The following LAS1L variants were observed in gnomAD, a reference collection of about 807,000 sequenced individuals.
LAS1L encodes LAS1 like ribosome biogenesis factor, also known as ribosomal biogenesis protein LAS1L.
A neutral mutation model predicts 57.3 loss-of-function variants in LAS1L; 5 were observed. The observed-to-expected ratio is 0.09, with a 90% CI of 0.05 to 0.18. LAS1L has a LOEUF of 0.18. LAS1L is among the 10% of genes least tolerant of loss of function. The pLI is 1.00. For synonymous variants in LAS1L, 245 were observed against 231.7 expected, an observed-to-expected ratio of 1.06 and a Z score of -0.52; for missense variants, 360 against 568.3, an observed-to-expected ratio of 0.63 and a Z score of 3.73.
At chrX:65,533,329 A>G (rs898774294) in intron 2 of LAS1L, among the ~76,000 whole-genome samples, 2 of 110,432 alleles carry the variant, frequency 1.8e-5, no homozygotes, top group African/African-American at 6.6e-5. Flanking sequence ...GACCACCAAG[A>G]GACCCACAGA....
chrX:65,515,950 CG>C, intron 12 of LAS1L, among the ~76,000 whole-genome samples: 1 of 111,980 alleles, frequency 8.9e-6, no homozygotes, highest in Non-Finnish European at 1.9e-5. Context: ...CCCTCTCTGT[CG>C]TATCACTGAG....
intron 12 of LAS1L, among the ~76,000 whole-genome samples, chrX:65,517,094 T>C (rs1016743518): frequency 2.1e-4 from 23 of 111,044 alleles, no homozygotes; most frequent in Non-Finnish European, 3.8e-4. Context: ...GAAGAGCAGA[T>C]CCCTATCACT....
chrX:65,519,975 A>G (rs1437933769), intron 11 of LAS1L, among the ~76,000 whole-genome samples: 1 of 112,148 alleles, frequency 8.9e-6, no homozygotes, highest in Non-Finnish European at 1.9e-5. Flanking sequence ...GAAAAGCCAG[A>G]GAGAAACTTT....
chrX:65,524,362 G>C, intron 9 of LAS1L, 100 bp from the exon 10 acceptor site: 1 of 683,893 alleles, frequency 1.5e-6, no homozygotes, highest in Non-Finnish European at 2.3e-6. Flanking sequence ...GGAAGTGAGA[G>C]TGAGAGCAAG....
At chrX:65,513,275 G>T (rs1436089503) in intron 13 of LAS1L, among the ~76,000 whole-genome samples, 1 of 112,180 alleles carries the variant, frequency 8.9e-6, no homozygotes, top group Non-Finnish European at 1.9e-5. Context: ...TAGAGCTTGG[G>T]GGCCTGGATC....
chrX:65,525,068 T>A lies in LAS1L; in HGVS notation c.957-18A>T, dbSNP rs770158138. On this transcript the variant is annotated intron_variant, in intron 7 of 13. Coordinates refer to ENST00000374811, the MANE Select transcript of LAS1L (RefSeq NM_031206.7). ...CAGCCTCCCTGGAACAAGAGGACAC[T>A]AGTTTAGCAAAGTGATGCTGGCAGA... 1.7e-6 allele frequency: 2 copies of A among 1,171,046 alleles called. No homozygotes were observed. The highest frequency in any genetic ancestry group is 2.3e-6 in the Non-Finnish European group (2 of 861,396).
rs762955738 is a variant in LAS1L, at chrX:65,523,547, T to C, written c.1448+13A>G. The C allele has an allele frequency of 1.9e-5, 22 of 1,164,513 alleles. No individual in the cohort carries two copies. Among genetic ancestry groups the C allele is most frequent in the Non-Finnish European group, 2.5e-5 (22 of 871,726 alleles). The stretch of plus-strand genomic sequence containing the variant: ...GCCTCACCCTCTTACCGGATGGAAT[T>C]CAAGAGACTTACATCCGAAGGAGTT... On this transcript the variant is annotated intron_variant, in intron 11 of 13. Coordinates refer to ENST00000374811, the MANE Select transcript of LAS1L (RefSeq NM_031206.7).
chrX:65,525,839 C>T (rs1385246297), intron 7 of LAS1L, among the ~76,000 whole-genome samples: 1 of 109,479 alleles, frequency 9.1e-6, no homozygotes, highest in African/African-American at 3.4e-5. Flanking sequence ...CAAGCTGATT[C>T]CTCCAGAGTT....
chrX:65,525,595 A>G (rs746947819), intron 7 of LAS1L, among the ~76,000 whole-genome samples: 8 of 109,473 alleles, frequency 7.3e-5, no homozygotes, highest in Non-Finnish European at 1.5e-4. Flanking sequence ...AACCCAGAAC[A>G]AAGTTAGAGG....
chrX:65,528,499 G>T (rs772535821), intron 6 of LAS1L, 130 bp from the exon 7 acceptor site: 11 of 433,624 alleles, frequency 2.5e-5, no homozygotes, highest in East Asian at 3.9e-5. Context: ...TGCAGGGGGG[G>T]GCCCACAACT....
At chrX:65,523,799 C>T in intron 10 of LAS1L, 92 bp from the exon 11 acceptor site, 2 of 967,533 alleles carry the variant, frequency 2.1e-6, no homozygotes, top group Non-Finnish European at 2.8e-6. Context: ...CCCTCCCCAT[C>T]CCCCCAGACT....
At chrX:65,521,381 G>A in intron 11 of LAS1L, 3 of 508,488 alleles carry the variant, frequency 5.9e-6, no homozygotes, top group Non-Finnish European at 7.2e-6. Context: ...CTAGGGCACG[G>A]ACAGCTGATG....
chrX:65,518,300 G>A lies in LAS1L; in HGVS notation c.1614C>T (p.Ser538=), dbSNP rs746677674. ...SPYTLDSLYW[S]VKPASSSFGS... ...CGAAGCTGGAGCTGGCTGGCTTGAC[G>A]CTCCAATACAGGCTGTCTAGTGTAT... The change falls in exon 12 of 14, where the codon AGC becomes AGT. Residue 538 remains serine, a synonymous_variant. Coordinates refer to ENST00000374811, the MANE Select transcript of LAS1L (RefSeq NM_031206.7). 5.8e-6 allele frequency: 7 copies of A among 1,211,978 alleles called. No homozygotes were observed. The highest frequency in any genetic ancestry group is 3.5e-5 in the South Asian group (2 of 57,018).
In LAS1L at chrX:65,533,603, G is replaced by T; in HGVS notation, c.362+7C>A. On this transcript the variant is annotated splice_region_variant and intron_variant, in intron 2 of 13. Coordinates refer to ENST00000374811, the MANE Select transcript of LAS1L (RefSeq NM_031206.7). ...CAACCTCCACCCCTACCCCATGCAGGTCTTACCTGACCAATGCCATGCCAT... is the reference window on the plus strand; with the variant it reads ...CAACCTCCACCCCTACCCCATGCAGTTCTTACCTGACCAATGCCATGCCAT... 3.3e-6 allele frequency: 4 copies of T among 1,210,041 alleles called. No individual in the cohort carries two copies. The highest frequency in any genetic ancestry group is 4.5e-6 in the Non-Finnish European group (4 of 894,647).
intron 11 of LAS1L, chrX:65,520,543 G>C (rs1425350209): frequency 1.3e-6 from 1 of 751,675 alleles, no homozygotes; most frequent in African/African-American, 2.3e-5. Context: ...AGAAGAGCAT[G>C]GGACTAAGGA....
At chrX:65,517,226 G>T in intron 12 of LAS1L, among the ~76,000 whole-genome samples, 1 of 107,030 alleles carries the variant, frequency 9.3e-6, no homozygotes, top group Middle Eastern at 4.7e-3. Flanking sequence ...TAATGCCCTA[G>T]GTTCCTTCTT....
chrX:65,521,292 T>A, intron 11 of LAS1L: 3 of 753,813 alleles, frequency 4.0e-6, no homozygotes, highest in Non-Finnish European at 4.7e-6. Context: ...ACAGCACTGC[T>A]GGGAATGAGA....
chrX:65,516,379 C>A (rs752260467), intron 12 of LAS1L, among the ~76,000 whole-genome samples: 32 of 111,020 alleles, frequency 2.9e-4, no homozygotes, highest in Non-Finnish European at 5.9e-4. Context: ...ACATCACTAC[C>A]CCTGCCTCTT....
In LAS1L at chrX:65,534,662, G is replaced by A. The variant is rs760067312; in HGVS notation, c.54C>T (p.Leu18=). The change falls in exon 1 of 14, where the codon CTC becomes CTT. Residue 18 remains leucine (L), a synonymous_variant. Transcript: ENST00000374811. ...ACTTTCCGTACCACGCACTCCACAC[G>A]AGATCCATCCCCTGGGAACCTAGAC... The part of the protein sequence containing the change: ...GPGLGSQGMD[L]VWSAWYGKCV... 3 of 1,186,436 alleles carry A rather than the reference G, an allele frequency of 2.5e-6. No homozygotes were observed. Among genetic ancestry groups the A allele is most frequent in the Admixed American group, 2.4e-5 (1 of 42,384 alleles).
Sources: allele counts gnomAD v4.1 joint callset (sites outside exome capture counted in the v4.1 genomes callset), GRCh38; gene constraint gnomAD v4.1.1; transcripts MANE v1.5; gene names NCBI Gene and HGNC (gene_info 2026-07-23, HGNC 2026-07-21).